The following HS3ST5 variants were observed in gnomAD, a reference collection of about 807,000 sequenced individuals.
The protein encoded by HS3ST5 is heparan sulfate glucosamine 3-O-sulfotransferase 5.
A neutral mutation model predicts 25.4 loss-of-function variants in HS3ST5; 10 were observed. The ratio of observed to expected loss-of-function variants is 0.39; its 90% CI spans 0.24 to 0.67. The LOEUF is 0.67. Ranked by LOEUF, HS3ST5 falls within the 30% of genes least tolerant of loss-of-function variation. The probability of loss-of-function intolerance (pLI) is 0.44; values close to 1 mark genes in which losing one functional copy is unlikely to be tolerated. For missense variants in HS3ST5, 324 were observed against 420.7 expected (o/e 0.77, Z 2.01); for synonymous variants, 170 against 162.4 (o/e 1.05, Z -0.36).
At chr6:114,126,250 A>G (rs1777032530) in intron 3 of HS3ST5, among the ~76,000 whole-genome samples, 2 of 152,344 alleles carry the variant, frequency 1.3e-5, no homozygotes, top group South Asian at 2.1e-4. Context: ...AGAGGACTTT[A>G]TAACTTTTTT....
chr6:114,188,152 G>A (rs374274320), intron 2 of HS3ST5, among the ~76,000 whole-genome samples: 3 of 152,090 alleles, frequency 2.0e-5, no homozygotes, highest in African/African-American at 7.2e-5. Flanking sequence ...ATGGCAGCCC[G>A]AGCTAACTAA....
intron 3 of HS3ST5, among the ~76,000 whole-genome samples, chr6:114,164,527 G>C (rs1779117747): frequency 6.6e-6 from 1 of 152,148 alleles, no homozygotes; most frequent in Non-Finnish European, 1.5e-5. Context: ...GTATATCTTG[G>C]AAGCAGAGGC....
At chr6:114,127,641 T>C (rs955813217) in intron 3 of HS3ST5, among the ~76,000 whole-genome samples, 5 of 152,130 alleles carry the variant, frequency 3.3e-5, no homozygotes, top group African/African-American at 1.2e-4. Context: ...GGGGTGAATC[T>C]TAAAGCACTA....
At chr6:114,095,460 G>T (rs1775372622) in intron 3 of HS3ST5, among the ~76,000 whole-genome samples, 2 of 152,178 alleles carry the variant, frequency 1.3e-5, no homozygotes, top group Non-Finnish European at 2.9e-5. Context: ...CATGAATATG[G>T]GAGAGGGAGG....
In HS3ST5 at chr6:114,087,624, A is replaced by G. The variant is rs922550717; in HGVS notation, c.-32-24747T>C. On this transcript the variant is annotated intron_variant, in intron 3 of 4. Transcript: ENST00000312719. ...AGATAAACAAAATAATCAGGTGCAA[A>G]AAAGAGTTCTATGCAAAAGAATAGT... Among the ~76,000 whole-genome samples, 8 of 152,312 alleles carry G rather than the reference A, an allele frequency of 5.3e-5. No individual in the cohort carries two copies. In the South Asian group the frequency reaches 1.2e-3, roughly 24 times the overall value.
At position 114,292,938 on chromosome 6, in the gene HS3ST5, T is replaced by G. The variant is rs189009378; in HGVS notation, c.-339+49257A>C. Among the ~76,000 whole-genome samples, 569 of 141,932 alleles carry G rather than the reference T, an allele frequency of 4.0e-3. 2 individuals carry two copies. Among genetic ancestry groups the G allele is most frequent in the African/African-American group, 0.015 (532 of 35,850 alleles). 93.1% of individuals were successfully genotyped at this position (141,932 alleles called of 152,430 possible). A position where few individuals can be genotyped will look rare whatever the true frequency, so the allele number is the denominator to read the frequency against. On this transcript the variant is annotated intron_variant, in intron 1 of 4. Transcript: ENST00000312719. The stretch of plus-strand genomic sequence containing the variant: ...TTTAGTATTGTATTGCTATTTTTTG[T>G]TTTTTTTTTTCCCAAATATTTTTGA...
chr6:114,336,594 G>A (rs541987515), intron 1 of HS3ST5, among the ~76,000 whole-genome samples: 3 of 152,228 alleles, frequency 2.0e-5, no homozygotes, highest in East Asian at 1.9e-4. Context: ...GTGACAGAGC[G>A]TGAGTCCAAC....
chr6:114,324,585 T>C (rs1415369906), intron 1 of HS3ST5, among the ~76,000 whole-genome samples: 4 of 152,218 alleles, frequency 2.6e-5, no homozygotes, highest in African/African-American at 7.2e-5. Context: ...TCCATCAACA[T>C]AAATTCCCTT....
chr6:114,180,347 C>A (rs1309878715), intron 2 of HS3ST5, among the ~76,000 whole-genome samples: 1 of 152,102 alleles, frequency 6.6e-6, no homozygotes, highest in African/African-American at 2.4e-5. Flanking sequence ...GCTGCCATAA[C>A]AAAATGCCAT....
intron 1 of HS3ST5, among the ~76,000 whole-genome samples, chr6:114,260,121 C>G (rs1773102982): frequency 6.6e-6 from 1 of 151,912 alleles, no homozygotes; most frequent in African/African-American, 2.4e-5. Context: ...TATTTTGATG[C>G]TAAGAATCTT....
intron 1 of HS3ST5, among the ~76,000 whole-genome samples, chr6:114,306,256 TACAC>T (rs1554226914): frequency 5.6e-4 from 65 of 115,402 alleles, no homozygotes; most frequent in Non-Finnish European, 6.4e-4. Flanking sequence ...TATATATATA[TACAC>T]ACACACACAC....
chr6:114,188,873 T>C (rs917989614), intron 2 of HS3ST5, among the ~76,000 whole-genome samples: 4 of 152,208 alleles, frequency 2.6e-5, no homozygotes, highest in Non-Finnish European at 5.9e-5. Flanking sequence ...TTAGGTTTTC[T>C]GTTAATTTCC....
At chr6:114,234,649 T>C (rs927262952) in intron 1 of HS3ST5, among the ~76,000 whole-genome samples, 1 of 152,158 alleles carries the variant, frequency 6.6e-6, no homozygotes, top group Non-Finnish European at 1.5e-5. Context: ...AAGAATAACT[T>C]CTTATGCTGT....
intron 1 of HS3ST5, among the ~76,000 whole-genome samples, chr6:114,277,195 A>T (rs1165037367): frequency 6.6e-6 from 1 of 151,084 alleles, no homozygotes; most frequent in African/African-American, 2.4e-5. Flanking sequence ...CTCTATAAGG[A>T]TGATACATTA....
At chr6:114,224,454 C>A (rs973799733) in intron 2 of HS3ST5, among the ~76,000 whole-genome samples, 3 of 151,234 alleles carry the variant, frequency 2.0e-5, no homozygotes, top group African/African-American at 7.3e-5. Context: ...GATAATTTAT[C>A]TCTTTAGAAT....
At chr6:114,288,128 AT>A (rs2114764223) in intron 1 of HS3ST5, among the ~76,000 whole-genome samples, 1 of 152,242 alleles carries the variant, frequency 6.6e-6, no homozygotes, top group African/African-American at 2.4e-5. Flanking sequence ...TACATGCATA[AT>A]TAATCCATTA....
intron 3 of HS3ST5, among the ~76,000 whole-genome samples, chr6:114,161,540 T>TGC (rs1778958230): frequency 1.5e-5 from 1 of 66,634 alleles, no homozygotes; most frequent in South Asian, 5.2e-4. Context: ...TATATATATA[T>TGC]ATATATATAT....
intron 2 of HS3ST5, among the ~76,000 whole-genome samples, chr6:114,221,201 G>A (rs748602722): frequency 5.3e-5 from 8 of 151,832 alleles, no homozygotes; most frequent in African/African-American, 1.9e-4. Context: ...GATGCTACAG[G>A]ACTGGTAGGT....
At chr6:114,303,884 A>G (rs1775185121) in intron 1 of HS3ST5, among the ~76,000 whole-genome samples, 1 of 152,318 alleles carries the variant, frequency 6.6e-6, no homozygotes, top group Non-Finnish European at 1.5e-5. Context: ...CTTCAGGAAG[A>G]CAAAGAAAGA....
Sources: gnomAD v4.1 joint callset for allele counts (sites outside exome capture counted in the v4.1 genomes callset) on GRCh38, gnomAD v4.1.1 for gene constraint, MANE v1.5 for transcripts, NCBI Gene and HGNC (gene_info 2026-07-23, HGNC 2026-07-21) for gene names.